Variants in ELMO1 observed in about 807,000 individuals in gnomAD.
ELMO1 encodes engulfment and cell motility 1, also known as engulfment and cell motility protein 1.
A neutral mutation model predicts 98.9 loss-of-function variants in ELMO1; 26 were observed. That is an observed-to-expected ratio of 0.26 (90% CI 0.19 to 0.36). The LOEUF is 0.36. Ranked by LOEUF, ELMO1 falls within the 10% of genes least tolerant of loss-of-function variation. The probability of loss-of-function intolerance (pLI) is 1.00; values close to 1 mark genes in which losing one functional copy is unlikely to be tolerated. For missense variants in ELMO1, 627 were observed against 935.2 expected (o/e 0.67, Z 4.30); for synonymous variants, 346 against 346.0 (o/e 1.00, Z 0.00).
At chr7:37,033,490 G>GT (rs764588843) in intron 15 of ELMO1, 17 of 395,942 alleles carry the variant, frequency 4.3e-5, no homozygotes, top group Non-Finnish European at 6.8e-5. Flanking sequence ...TGTGTTTAGT[G>GT]TTAAAAAAAA....
intron 11 of ELMO1, among the ~76,000 whole-genome samples, chr7:37,214,598 A>G (rs1238980806): frequency 6.6e-5 from 10 of 152,198 alleles, no homozygotes; most frequent in Non-Finnish European, 1.3e-4. Flanking sequence ...ATTGAGGAAT[A>G]GAAGAAAGAG....
intron 16 of ELMO1, among the ~76,000 whole-genome samples, chr7:36,987,032 G>A (rs908395253): frequency 6.6e-6 from 1 of 152,200 alleles, no homozygotes; most frequent in Non-Finnish European, 1.5e-5. Context: ...TCCTCAGAGG[G>A]CACTGCGGTG....
chr7:37,024,415 C>G (rs1311533858), intron 15 of ELMO1, among the ~76,000 whole-genome samples: 4 of 152,142 alleles, frequency 2.6e-5, no homozygotes, highest in Non-Finnish European at 5.9e-5. Context: ...TCTTTTCTTA[C>G]TTTTATTTTG....
intron 16 of ELMO1, among the ~76,000 whole-genome samples, chr7:36,907,603 C>T (rs1198332942): frequency 6.6e-6 from 1 of 152,206 alleles, no homozygotes; most frequent in Non-Finnish European, 1.5e-5. Flanking sequence ...TTCCTTTCTG[C>T]TCCTCTGTTC....
At chr7:37,173,331 G>A (rs1414678940) in intron 13 of ELMO1, among the ~76,000 whole-genome samples, 1 of 152,146 alleles carries the variant, frequency 6.6e-6, no homozygotes, top group Non-Finnish European at 1.5e-5. Flanking sequence ...GTGACCATGT[G>A]AGGTTCCAAG....
rs1294044919 is a variant in ELMO1, at chr7:37,405,027, T to C, written c.-74+43648A>G. Among the ~76,000 whole-genome samples the C allele has an allele frequency of 3.9e-5, 6 of 152,270 alleles. No individual in the cohort carries two copies. In the East Asian group the frequency reaches 9.6e-4, roughly 24 times the overall value. ...AATAAGGCGTTTGCTGAGCAATCAT[T>C]TCCAGGAGAGAAGTCACTGTGGCCA... On this transcript the variant is annotated intron_variant, in intron 1 of 21. Transcript: ENST00000310758.
intron 1 of ELMO1, among the ~76,000 whole-genome samples, chr7:37,367,516 T>C (rs1457814477): frequency 2.6e-5 from 4 of 152,220 alleles, no homozygotes; most frequent in African/African-American, 9.6e-5. Flanking sequence ...ATTGATTTCT[T>C]AGTTACTTTA....
chr7:37,137,336 T>C (rs939655183), intron 13 of ELMO1, among the ~76,000 whole-genome samples: 1 of 152,122 alleles, frequency 6.6e-6, no homozygotes, highest in Non-Finnish European at 1.5e-5. Flanking sequence ...GGGACTTTAA[T>C]ACTCCACTGA....
intron 2 of ELMO1, among the ~76,000 whole-genome samples, chr7:37,316,703 C>G (rs1221606128): frequency 6.6e-6 from 1 of 152,188 alleles, no homozygotes; most frequent in Non-Finnish European, 1.5e-5. Context: ...AAGACCCTGT[C>G]TGTCTCTAGG....
In ELMO1 at chr7:37,060,380, C is replaced by T. The variant is rs113267473; in HGVS notation, c.1300+36239G>A. 2.6e-5 allele frequency among the ~76,000 whole-genome samples: 4 copies of T among 152,004 alleles called. 1 individual carries two copies. Among genetic ancestry groups the T allele is most frequent in the South Asian group, 4.2e-4 (2 of 4,816 alleles). On this transcript the variant is annotated intron_variant, in intron 15 of 21. Coordinates refer to ENST00000310758, the MANE Select transcript of ELMO1 (RefSeq NM_014800.11). Reference sequence around the variant, plus strand: ...CAGCAACATGGATGCAGCTGGAGGCCGGTATCCTGAGTGAATTAACCCAGG... The same window carrying T: ...CAGCAACATGGATGCAGCTGGAGGCTGGTATCCTGAGTGAATTAACCCAGG...
intron 4 of ELMO1, among the ~76,000 whole-genome samples, chr7:37,308,332 T>C (rs754728591): frequency 1.3e-5 from 2 of 152,168 alleles, no homozygotes; most frequent in Non-Finnish European, 2.9e-5. Context: ...AAGTTCAAGA[T>C]CTTTAAGATG....
At chr7:37,336,737 G>A (rs1051424736) in intron 2 of ELMO1, among the ~76,000 whole-genome samples, 4 of 152,100 alleles carry the variant, frequency 2.6e-5, no homozygotes, top group South Asian at 2.1e-4. Context: ...CAAGGCAGAG[G>A]TGCCACCAAA....
intron 1 of ELMO1, among the ~76,000 whole-genome samples, chr7:37,418,192 G>C (rs1804311721): frequency 6.6e-6 from 1 of 152,178 alleles, no homozygotes; most frequent in African/African-American, 2.4e-5. Flanking sequence ...TCTGCTAAGA[G>C]ACAGAAACCA....
At chr7:37,174,362 A>G (rs1790381732) in intron 13 of ELMO1, among the ~76,000 whole-genome samples, 1 of 152,160 alleles carries the variant, frequency 6.6e-6, no homozygotes, top group Non-Finnish European at 1.5e-5. Context: ...GGGTTTAGAG[A>G]ACTCTATTTA....
chr7:37,278,028 G>A (rs1305387414), intron 4 of ELMO1, among the ~76,000 whole-genome samples: 1 of 150,664 alleles, frequency 6.6e-6, no homozygotes, highest in Non-Finnish European at 1.5e-5. Context: ...GTTGTATCAT[G>A]ACCCATGCAT....
intron 1 of ELMO1, among the ~76,000 whole-genome samples, chr7:37,443,508 G>A (rs1213115759): frequency 6.6e-6 from 1 of 152,058 alleles, no homozygotes; most frequent in Non-Finnish European, 1.5e-5. Context: ...TCTCCCACAC[G>A]TATTCCTATC....
intron 15 of ELMO1, among the ~76,000 whole-genome samples, chr7:37,021,374 T>C (rs541745403): frequency 1.8e-4 from 28 of 152,238 alleles, no homozygotes; most frequent in Admixed American, 1.2e-3. Context: ...TACTGAAAAA[T>C]AGCATGAAAT....
intron 21 of ELMO1, among the ~76,000 whole-genome samples, chr7:36,858,574 G>A (rs773560338): frequency 2.0e-5 from 3 of 152,266 alleles, no homozygotes; most frequent in East Asian, 3.9e-4. Context: ...GTTGCTATCC[G>A]CTGACCTTAA....
At chr7:37,036,693 G>A (rs931492824) in intron 15 of ELMO1, among the ~76,000 whole-genome samples, 13 of 152,216 alleles carry the variant, frequency 8.5e-5, no homozygotes, top group African/African-American at 3.1e-4. Context: ...ATTGTTATAG[G>A]AGGTTACTTC....
Sources: gnomAD v4.1 joint callset for allele counts (sites outside exome capture counted in the v4.1 genomes callset) on GRCh38, gnomAD v4.1.1 for gene constraint, MANE v1.5 for transcripts, NCBI Gene and HGNC (gene_info 2026-07-23, HGNC 2026-07-21) for gene names.